Variants in GNA14 observed in about 807,000 individuals in gnomAD.
The protein encoded by GNA14 is guanine nucleotide-binding protein subunit alpha-14.
Under a neutral mutation model 42.0 loss-of-function variants are expected in GNA14, and 50 were observed. The observed-to-expected ratio is 1.19, with a 90% CI of 0.95 to 1.51. The LOEUF (loss-of-function observed/expected upper bound fraction) is 1.51, where lower values mean the gene tolerates loss of function less well. Among genes scored for constraint, GNA14 ranks in the 40% most tolerant of loss-of-function variants. The pLI, the probability that GNA14 is intolerant of heterozygous loss-of-function variation, is 0.00. For synonymous variants in GNA14, 173 were observed against 163.1 expected (o/e 1.06, Z -0.46); for missense variants, 473 against 446.2 (o/e 1.06, Z -0.54).
chr9:77,491,135 T>C (rs1836766863), intron 2 of GNA14, among the ~76,000 whole-genome samples: 2 of 152,340 alleles, frequency 1.3e-5, no homozygotes, highest in South Asian at 4.1e-4. Flanking sequence ...AGCTATCTTT[T>C]AAATATGAAA....
chr9:77,476,650 T>C (rs879729245), intron 2 of GNA14, among the ~76,000 whole-genome samples: 10 of 152,246 alleles, frequency 6.6e-5, no homozygotes, highest in Admixed American at 5.9e-4. Context: ...GATAGTAGTT[T>C]GTTTGTTTAA....
At chr9:77,520,952 G>A (rs1305190287) in intron 2 of GNA14, among the ~76,000 whole-genome samples, 3 of 152,182 alleles carry the variant, frequency 2.0e-5, no homozygotes, top group African/African-American at 7.2e-5. Flanking sequence ...CAGGCTTAAA[G>A]GGTAGTGGGT....
chr9:77,538,643 CCTCA>C (rs1837624863), intron 1 of GNA14, among the ~76,000 whole-genome samples: 2 of 152,032 alleles, frequency 1.3e-5, no homozygotes, highest in African/African-American at 2.4e-5. Context: ...AGATCTTTCA[CCTCA>C]CTGATTAAAT....
intron 2 of GNA14, among the ~76,000 whole-genome samples, chr9:77,480,927 AT>A (rs1393407084): frequency 6.6e-6 from 1 of 151,290 alleles, no homozygotes; most frequent in African/African-American, 2.4e-5. Flanking sequence ...CGTCTATTTG[AT>A]TCTTCTCTCT....
intron 2 of GNA14, among the ~76,000 whole-genome samples, chr9:77,487,820 G>A (rs1358659188): frequency 6.6e-6 from 1 of 152,172 alleles, no homozygotes; most frequent in African/African-American, 2.4e-5. Flanking sequence ...GCATGATCTA[G>A]TCTCTTTTTA....
At chr9:77,447,639 C>G (rs1017306986) in intron 2 of GNA14, among the ~76,000 whole-genome samples, 3 of 118,530 alleles carry the variant, frequency 2.5e-5, no homozygotes, top group African/African-American at 7.7e-5. Flanking sequence ...GGGGAGGACT[C>G]TCCTCCACAG....
intron 1 of GNA14, chr9:77,580,300 A>G: frequency 3.1e-6 from 1 of 326,146 alleles, no homozygotes. Context: ...CAACATTACT[A>G]CCAGTTATTT....
rs563283895 is a variant in GNA14 at position 77,633,686 on chromosome 9, G to A, written c.124+13984C>T. ...GGGCACAGCAGATATTTGCCCCCAT[G>A]GGGTAGATTTTGGTGAGCTGTCTGG... On this transcript the variant is annotated intron_variant, in intron 1 of 6. Coordinates refer to ENST00000341700, the MANE Select transcript of GNA14 (RefSeq NM_004297.4). Among the ~76,000 whole-genome samples, 7 of 151,658 alleles carry A rather than the reference G, an allele frequency of 4.6e-5. No homozygotes were observed. The East Asian group carries it at 1.3e-3, about 29-fold the overall frequency.
intron 1 of GNA14, among the ~76,000 whole-genome samples, chr9:77,576,641 C>T (rs935990833): frequency 2.0e-5 from 3 of 152,250 alleles, no homozygotes; most frequent in East Asian, 3.9e-4. Flanking sequence ...CTCCACATTC[C>T]TTACATCATT....
At chr9:77,507,816 C>T (rs1489090951) in intron 2 of GNA14, among the ~76,000 whole-genome samples, 1 of 152,236 alleles carries the variant, frequency 6.6e-6, no homozygotes, top group Non-Finnish European at 1.5e-5. Context: ...AAGCAATTCT[C>T]TTACCTCAGC....
chr9:77,488,552 G>A (rs1368575899), intron 2 of GNA14, among the ~76,000 whole-genome samples: 1 of 152,076 alleles, frequency 6.6e-6, no homozygotes, highest in East Asian at 1.9e-4. Context: ...TCTGTAGGAG[G>A]TACATTCCAC....
chr9:77,437,089 T>G (rs1202188710), intron 2 of GNA14, among the ~76,000 whole-genome samples: 1 of 152,184 alleles, frequency 6.6e-6, no homozygotes, highest in Non-Finnish European at 1.5e-5. Flanking sequence ...GCTGCTATGC[T>G]AAGTTTCACT....
chr9:77,587,253 A>C (rs1823320755), intron 1 of GNA14, among the ~76,000 whole-genome samples: 1 of 152,210 alleles, frequency 6.6e-6, no homozygotes, highest in East Asian at 1.9e-4. Flanking sequence ...TTTCTCAAAA[A>C]GTTAAACATA....
intron 2 of GNA14, among the ~76,000 whole-genome samples, chr9:77,490,688 C>G (rs2131735885): frequency 6.6e-6 from 1 of 152,354 alleles, no homozygotes; most frequent in African/African-American, 2.4e-5. Flanking sequence ...GCGGGGCCTG[C>G]CAAGCCCACG....
chr9:77,542,866 A>T (rs570259306), intron 1 of GNA14, among the ~76,000 whole-genome samples: 7 of 152,200 alleles, frequency 4.6e-5, no homozygotes, highest in Non-Finnish European at 1.0e-4. Context: ...GAAGGGAACT[A>T]GGTTGGTGGA....
chr9:77,458,801 A>T (rs1390439295), intron 2 of GNA14, among the ~76,000 whole-genome samples: 2 of 151,496 alleles, frequency 1.3e-5, no homozygotes, highest in Non-Finnish European at 2.9e-5. Flanking sequence ...ACACAGCAGA[A>T]ATCAGGGCCC....
At chr9:77,494,731 A>G (rs1434327529) in intron 2 of GNA14, among the ~76,000 whole-genome samples, 1 of 152,236 alleles carries the variant, frequency 6.6e-6, no homozygotes, top group African/African-American at 2.4e-5. Flanking sequence ...AAAACCAATG[A>G]GAGAAGAAAG....
chr9:77,580,441 A>G, intron 1 of GNA14: 1 of 317,100 alleles, frequency 3.2e-6, no homozygotes, highest in South Asian at 4.0e-5. Flanking sequence ...AAAATCCAGT[A>G]CAGCATCACA....
chr9:77,485,734 T>A (rs1048471894), intron 2 of GNA14, among the ~76,000 whole-genome samples: 2 of 152,174 alleles, frequency 1.3e-5, no homozygotes, highest in African/African-American at 4.8e-5. Flanking sequence ...CTTGTACATC[T>A]CCATCAGAGC....
Sources: allele counts gnomAD v4.1 joint callset (sites outside exome capture counted in the v4.1 genomes callset), GRCh38; gene constraint gnomAD v4.1.1; transcripts MANE v1.5; gene names NCBI Gene and HGNC (gene_info 2026-07-23, HGNC 2026-07-21).